The following GTF2IRD1 variants were observed in gnomAD, a reference collection of about 807,000 sequenced individuals.
GTF2IRD1 encodes the protein GTF2I repeat domain containing 1.
A neutral mutation model predicts 113.2 loss-of-function variants in GTF2IRD1; 26 were observed. The ratio of observed to expected loss-of-function variants is 0.23; its 90% confidence interval spans 0.17 to 0.32. GTF2IRD1 has a LOEUF of 0.32. GTF2IRD1 is among the 10% of genes least tolerant of loss of function. GTF2IRD1 has a pLI of 1.00. For missense variants in GTF2IRD1, 864 were observed against 1,280.8 expected (o/e 0.67, Z 4.97); for synonymous variants, 484 against 529.1 (o/e 0.91, Z 1.17).
At chr7:74,523,233 G>A (rs1584594973) in intron 7 of GTF2IRD1, among the ~76,000 whole-genome samples, 1 of 148,710 alleles carries the variant, frequency 6.7e-6, no homozygotes, top group East Asian at 2.0e-4. Context: ...AAAGAAAAAA[G>A]GAAAAAACAC....
intron 25 of GTF2IRD1, among the ~76,000 whole-genome samples, chr7:74,597,691 A>G (rs1328800413): frequency 1.3e-5 from 2 of 152,176 alleles, no homozygotes; most frequent in Non-Finnish European, 2.9e-5. Flanking sequence ...GAAAGAAAAA[A>G]TACTGATCTA....
chr7:74,529,936 G>T lies in GTF2IRD1; in HGVS notation c.1274+19G>T, dbSNP rs782539849. Reference sequence around the variant, plus strand: ...TTAAGAGGTGCGGGTGGGGCTGGGCGCAGTGGCTCATGCCTGTAATCCCAG... The same window carrying T: ...TTAAGAGGTGCGGGTGGGGCTGGGCTCAGTGGCTCATGCCTGTAATCCCAG... On this transcript the variant is annotated intron_variant, in intron 9 of 26. Coordinates refer to ENST00000424337, the MANE Select transcript of GTF2IRD1 (RefSeq NM_005685.4). 1.3e-6 allele frequency: 2 copies of T among 1,592,836 alleles called. No individual in the cohort carries two copies. The highest frequency in any genetic ancestry group is 4.5e-5 in the East Asian group (2 of 44,526).
At chr7:74,514,364 T>G (rs1306621651) in intron 3 of GTF2IRD1, among the ~76,000 whole-genome samples, 1 of 152,184 alleles carries the variant, frequency 6.6e-6, no homozygotes. Context: ...GATGGGGGAC[T>G]GGGCCGGGTA....
At chr7:74,514,357 G>A (rs1354109320) in intron 3 of GTF2IRD1, among the ~76,000 whole-genome samples, 2 of 152,118 alleles carry the variant, frequency 1.3e-5, no homozygotes, top group African/African-American at 2.4e-5. Context: ...GGGCCAGGAT[G>A]GGGGACTGGG....
intron 8 of GTF2IRD1, among the ~76,000 whole-genome samples, chr7:74,528,788 C>T (rs1446929455): frequency 1.8e-3 from 21 of 11,850 alleles, no homozygotes; most frequent in African/African-American, 7.8e-3. Flanking sequence ...GATATACAGC[C>T]GGGTGGGTGG....
Position 74,586,750 on chromosome 7 carries a change from C to T in GTF2IRD1, c.2321-3101C>T, listed in dbSNP as rs1385392842. Among the ~76,000 whole-genome samples the T allele has an allele frequency of 3.9e-5, 6 of 152,328 alleles. No individual in the cohort carries two copies. The South Asian group carries it at 8.3e-4, about 21-fold the overall frequency. On this transcript the variant is annotated intron_variant, in intron 22 of 26. Coordinates refer to ENST00000424337, the MANE Select transcript of GTF2IRD1 (RefSeq NM_005685.4). ...CTTGCGCACGGGAGGCCAAGCCACC[C>T]AGACGGGGTCAGCAGACTCTAAGCA...
At chr7:74,498,567 A>G (rs1795853442) in intron 1 of GTF2IRD1, among the ~76,000 whole-genome samples, 1 of 151,914 alleles carries the variant, frequency 6.6e-6, no homozygotes, top group South Asian at 2.1e-4. Flanking sequence ...ACCCACCTCA[A>G]CAGTCATCAA....
chr7:74,501,639 T>A (rs1431019541), intron 1 of GTF2IRD1, among the ~76,000 whole-genome samples: 1 of 151,964 alleles, frequency 6.6e-6, no homozygotes, highest in Non-Finnish European at 1.5e-5. Context: ...GGGAGTTTGT[T>A]TGTTTGTTTG....
intron 1 of GTF2IRD1, among the ~76,000 whole-genome samples, chr7:74,469,622 T>C (rs1418297102): frequency 1.3e-5 from 2 of 152,222 alleles, no homozygotes; most frequent in African/African-American, 2.4e-5. Context: ...TTTCTTTTTA[T>C]GGCCAAATAA....
intron 22 of GTF2IRD1, among the ~76,000 whole-genome samples, chr7:74,580,069 T>G (rs1801320695): frequency 6.6e-6 from 1 of 152,160 alleles, no homozygotes; most frequent in Non-Finnish European, 1.5e-5. Flanking sequence ...CTCAGTTATC[T>G]CATCCATGAA....
intron 1 of GTF2IRD1, among the ~76,000 whole-genome samples, chr7:74,494,633 T>A (rs1554337450): frequency 6.6e-6 from 1 of 152,060 alleles, no homozygotes; most frequent in Non-Finnish European, 1.5e-5. Flanking sequence ...ATTTATTTAT[T>A]TTTTTCACTT....
At chr7:74,581,169 G>A (rs1427713265) in intron 22 of GTF2IRD1, among the ~76,000 whole-genome samples, 2 of 152,090 alleles carry the variant, frequency 1.3e-5, no homozygotes, top group Non-Finnish European at 2.9e-5. Context: ...ACAGGCACCC[G>A]CCACTATGCC....
intron 24 of GTF2IRD1, among the ~76,000 whole-genome samples, chr7:74,592,445 C>T (rs1562899267): frequency 6.6e-6 from 1 of 151,684 alleles, no homozygotes; most frequent in Non-Finnish European, 1.5e-5. Context: ...TCTCGAACTC[C>T]TGGGCTCAAG....
chr7:74,485,963 C>T (rs1794999509), intron 1 of GTF2IRD1, among the ~76,000 whole-genome samples: 2 of 151,522 alleles, frequency 1.3e-5, no homozygotes, highest in Admixed American at 6.6e-5. Context: ...AAATGCCTCC[C>T]ATGGAATCTG....
intron 25 of GTF2IRD1, among the ~76,000 whole-genome samples, chr7:74,595,420 AAG>A (rs1802352454): frequency 6.6e-6 from 1 of 151,606 alleles, no homozygotes. Flanking sequence ...AAAAGAAAAA[AAG>A]AAAGAAAGAA....
At chr7:74,500,251 A>G (rs549347844) in intron 1 of GTF2IRD1, among the ~76,000 whole-genome samples, 1 of 152,256 alleles carries the variant, frequency 6.6e-6, no homozygotes, top group East Asian at 1.9e-4. Flanking sequence ...CAGATGTAAC[A>G]TGGATTAGAA....
chr7:74,597,467 T>C (rs1227925300), intron 25 of GTF2IRD1, among the ~76,000 whole-genome samples: 1 of 150,788 alleles, frequency 6.6e-6, no homozygotes, highest in Non-Finnish European at 1.5e-5. Flanking sequence ...TGCCTTAGCC[T>C]CCCGAGTAGC....
intron 1 of GTF2IRD1, among the ~76,000 whole-genome samples, chr7:74,463,772 G>A (rs1793538106): frequency 6.6e-6 from 1 of 151,436 alleles, no homozygotes; most frequent in Non-Finnish European, 1.5e-5. Context: ...CGCCCAGGCT[G>A]GAGTGCAGTG....
intron 1 of GTF2IRD1, among the ~76,000 whole-genome samples, chr7:74,460,956 G>A (rs1562765699): frequency 6.6e-6 from 1 of 152,094 alleles, no homozygotes; most frequent in Non-Finnish European, 1.5e-5. Context: ...CACCTGAGCT[G>A]CAGCCTCTGG....
Sources: allele counts gnomAD v4.1 joint callset (sites outside exome capture counted in the v4.1 genomes callset), GRCh38; gene constraint gnomAD v4.1.1; transcripts MANE v1.5; gene names NCBI Gene and HGNC (gene_info 2026-07-23, HGNC 2026-07-21).